Variants in CIITA observed in about 807,000 individuals in gnomAD.
CIITA encodes class II major histocompatibility complex transactivator.
In CIITA, 72 loss-of-function variants were observed where a neutral mutation model predicts 115.1. The ratio of observed to expected loss-of-function variants is 0.63; its 90% CI spans 0.52 to 0.76. The LOEUF is 0.76. Ranked by LOEUF, CIITA falls within the 30% of genes least tolerant of loss-of-function variation. The pLI is 0.00. For synonymous variants in CIITA, 763 were observed against 635.6 expected (o/e 1.20, Z -3.02); for missense variants, 1,617 against 1,463.8 (o/e 1.10, Z -1.71).
At chr16:10,874,843 C>A (rs1311612826), upstream of CIITA, among the ~76,000 whole-genome samples, 1 of 152,158 alleles carries the variant, frequency 6.6e-6, no homozygotes, top group Non-Finnish European at 1.5e-5. Flanking sequence ...GGGGGGACAT[C>A]AGAACCAGCT....
intron 2 of CIITA, 104 bp from the exon 3 acceptor site, chr16:10,895,565 T>A: frequency 6.4e-7 from 1 of 1,561,510 alleles, no homozygotes; most frequent in African/African-American, 1.4e-5. Flanking sequence ...GGACGCTCTC[T>A]GCAGATGGGG....
At position 10,907,449 on chromosome 16, in the gene CIITA, C is replaced by A. The variant is rs199476071; in HGVS notation, c.1957C>A (p.Pro653Thr). 3.1e-6 allele frequency: 5 copies of A among 1,613,052 alleles called. No individual in the cohort carries two copies. In the South Asian group the frequency reaches 3.3e-5, roughly 11 times the overall value. ...GLLGRAALDS[P>T]PGALAELAKL... ...GCTGGGCCGTGCAGCCCTCGACAGC[C>A]CCCCCGGGGCCCTGGCAGAGCTGGC... Residue 653 changes from proline (P) to threonine (T), a missense_variant, in exon 11 of 20, where the codon CCC (proline) becomes ACC (threonine). Pro to Thr is a conservative substitution (Grantham distance 38). Coordinates refer to ENST00000324288, the MANE Select transcript of CIITA (RefSeq NM_000246.4). This position sits in a 1 kb window ranked among gnomAD's most constrained non-coding sequence, Gnocchi z 5.0.
In CIITA at chr16:10,907,888, G is replaced by A. The variant is rs267604408; in HGVS notation, c.2396G>A (p.Gly799Glu). 1.3e-6 allele frequency: 2 copies of A among 1,597,432 alleles called. No homozygotes were observed. Among genetic ancestry groups the A allele is most frequent in the African/African-American group, 2.7e-5 (2 of 74,380 alleles). ...AGGTACCTGAAGCGGCTGCAGCCGG[G>A]GACACTGCGGGCGCGGCAGCTGCTG... ...LARYLKRLQPGTLRARQLLEL... is the reference protein window; with the variant it reads ...LARYLKRLQPETLRARQLLEL... The change falls in exon 11 of 20, where the codon GGG (glycine) becomes GAG (glutamate). Residue 799 changes from glycine to glutamate, a missense_variant. Transcript: ENST00000324288. The surrounding 1 kb of genome is among the most constrained non-coding windows in gnomAD (Gnocchi z 5.0).
In CIITA at chr16:10,933,811, G is replaced by C. The variant is rs74007587; in HGVS notation, c.*9956G>C. 0.063 allele frequency: 9,583 copies of C among 152,306 alleles called. 518 individuals carry two copies. The highest frequency in any genetic ancestry group is 0.15 in the African/African-American group (6,028 of 41,530). The allele number at this position is 152,306 out of a possible 1,614,324, so 9.4% of individuals were successfully genotyped here. A position where few individuals can be genotyped will look rare whatever the true frequency, so the allele number is the denominator to read the frequency against. On this transcript the variant is annotated 3_prime_UTR_variant, in exon 20 of 20. Transcript: ENST00000324288. ...CATGTACCAAAAAATCAATTAAAGTGGCTAAAGACAGACGTCACCCTCCCC... is the reference window on the plus strand; with the variant it reads ...CATGTACCAAAAAATCAATTAAAGTCGCTAAAGACAGACGTCACCCTCCCC...
chr16:10,919,736 C>T (rs963409794), intron 16 of CIITA, among the ~76,000 whole-genome samples: 2 of 152,096 alleles, frequency 1.3e-5, no homozygotes, highest in Non-Finnish European at 2.9e-5. Context: ...TCTTGCTATG[C>T]AAAGAAACTC....
Position 10,942,249 on chromosome 16 carries a change from C to G in CIITA, n.1375C>G, listed in dbSNP as rs1287857697. The G allele has an allele frequency of 2.7e-6, 1 of 367,876 alleles. No individual in the cohort carries two copies. The highest frequency in any genetic ancestry group is 4.9e-6 in the Non-Finnish European group (1 of 204,852). The allele number at this position is 367,876 out of a possible 1,614,324, so 22.8% of individuals were successfully genotyped here. The stretch of plus-strand genomic sequence containing the variant: ...ACCGCCCGGGCGGCGAGGCGGGCCC[C>G]CCTGAAGTGGCCCGCGGCTGCCCGG... On this transcript the variant is annotated non_coding_transcript_exon_variant, in exon 2 of 2. Coordinates refer to the CIITA transcript ENST00000573379. The surrounding 1 kb of genome is among the most constrained non-coding windows in gnomAD (Gnocchi z 5.0).
At chr16:10,877,514 G>A in intron 1 of CIITA, 132 bp downstream of exon 1, 1 of 956,188 alleles carries the variant, frequency 1.0e-6, no homozygotes, top group East Asian at 2.6e-5. Context: ...GTCCTGCTGG[G>A]GCAGGCCATT....
intron 1 of CIITA, among the ~76,000 whole-genome samples, chr16:10,882,054 T>G (rs887118361): frequency 6.6e-6 from 1 of 152,244 alleles, no homozygotes; most frequent in Non-Finnish European, 1.5e-5. Flanking sequence ...ATTTTGTTCA[T>G]CCATTCATTT....
At chr16:10,873,754 T>C (rs1038720604), upstream of CIITA, among the ~76,000 whole-genome samples, 1 of 152,168 alleles carries the variant, frequency 6.6e-6, no homozygotes, top group Non-Finnish European at 1.5e-5. Context: ...GCAACCTTAA[T>C]GATGGTTCTG....
At chr16:10,911,972 A>C (rs2039615108) in intron 13 of CIITA, among the ~76,000 whole-genome samples, 1 of 152,212 alleles carries the variant, frequency 6.6e-6, no homozygotes, top group Admixed American at 6.5e-5. Flanking sequence ...AAGAGACTTT[A>C]AATTGTTTAT....
rs2039212293 is a variant in CIITA at position 10,907,014 on chromosome 16, G to A, written c.1522G>A (p.Asp508Asn). ...CGGCTTCGAGGAGCTGGAAGCGCAA[G>A]ATGGCTTCCTGCACAGCACGTGCGG... ...LDGFEELEAQDGFLHSTCGPA... is the reference protein window; with the variant it reads ...LDGFEELEAQNGFLHSTCGPA... Residue 508 changes from aspartate (D) to asparagine (N), a missense_variant, in exon 11 of 20, where the codon GAT becomes AAT. Physicochemically the swap from Asp to Asn is conservative, Grantham distance 23 (BLOSUM62 1). Coordinates refer to ENST00000324288, the MANE Select transcript of CIITA (RefSeq NM_000246.4). This position sits in a 1 kb window ranked among gnomAD's most constrained non-coding sequence, Gnocchi z 5.0. 1 of 1,609,398 alleles carries A rather than the reference G, an allele frequency of 6.2e-7. No individual in the cohort carries two copies. Among genetic ancestry groups the A allele is most frequent in the East Asian group, 2.2e-5 (1 of 44,832 alleles).
chr16:10,916,972 A>G (rs1241507848), intron 15 of CIITA: 1 of 256,472 alleles, frequency 3.9e-6, no homozygotes, highest in Non-Finnish European at 7.6e-6. Context: ...AGGAGACACA[A>G]TGAACAAGTA....
In CIITA at chr16:10,916,391, G is replaced by T; in HGVS notation, c.2994G>T (p.Lys998Asn). The change falls in exon 15 of 20, where the codon AAG becomes AAT. Residue 998 changes from lysine (K) to asparagine (N), a missense_variant. Physicochemically the swap from Lys to Asn is moderately conservative, Grantham distance 94. Transcript: ENST00000324288. ...HLDLDALSENKIGDEGVSQLS... is the reference protein window; with the variant it reads ...HLDLDALSENNIGDEGVSQLS... ...GCCTGGATGCGCTGAGTGAGAACAA[G>T]ATCGGGGACGAGGGTGTCTCGCAGC... The T allele has an allele frequency of 6.2e-7, 1 of 1,613,938 alleles. No homozygotes were observed. The highest frequency in any genetic ancestry group is 8.5e-7 in the Non-Finnish European group (1 of 1,179,920).
chr16:10,915,101 A>G, intron 13 of CIITA: 1 of 452,356 alleles, frequency 2.2e-6, no homozygotes, highest in East Asian at 7.0e-5. Flanking sequence ...CCCAGGCTGG[A>G]GTGCAGTGGT....
Position 10,895,378 on chromosome 16 carries a change from T to C in CIITA, c.149T>C (p.Phe50Ser). ...GCTGACCCCCTGTGCCTCTACCACT[T>C]CTATGACCAGATGGACCTGGCTGGA... ...SDADPLCLYH[F>S]YDQMDLAGEE... Residue 50 changes from phenylalanine (F) to serine (S), a missense_variant, in exon 2 of 20, where the codon TTC becomes TCC. By Grantham distance (155) the Phe-to-Ser change is radical. Coordinates refer to ENST00000324288, the MANE Select transcript of CIITA (RefSeq NM_000246.4). The C allele has an allele frequency of 6.2e-7, 1 of 1,614,082 alleles. No individual in the cohort carries two copies. Among genetic ancestry groups the C allele is most frequent in the Non-Finnish European group, 8.5e-7 (1 of 1,180,026 alleles).
At chr16:10,893,753 G>A (rs2037827178) in intron 1 of CIITA, among the ~76,000 whole-genome samples, 2 of 129,088 alleles carry the variant, frequency 1.5e-5, no homozygotes, top group Admixed American at 2.0e-4. Context: ...ACGTTGCAGT[G>A]AGCCAAGATT....
intron 3 of CIITA, among the ~76,000 whole-genome samples, chr16:10,897,242 G>T (rs542432155): frequency 6.6e-6 from 1 of 152,330 alleles, no homozygotes; most frequent in African/African-American, 2.4e-5. Context: ...CTTCTTACTG[G>T]TGAGGACTCT....
At chr16:10,874,135 C>T (rs564731178), upstream of CIITA, among the ~76,000 whole-genome samples, 1 of 152,082 alleles carries the variant, frequency 6.6e-6, no homozygotes, top group Non-Finnish European at 1.5e-5. Context: ...AGGCGTGCAC[C>T]ACCACACCTG....
At chr16:10,914,834 G>T (rs1394615564) in intron 13 of CIITA, among the ~76,000 whole-genome samples, 2 of 152,154 alleles carry the variant, frequency 1.3e-5, no homozygotes, top group Non-Finnish European at 2.9e-5. Flanking sequence ...TCAACAAATG[G>T]TTCCTTTTGT....
Sources: gnomAD v4.1 joint callset for allele counts (sites outside exome capture counted in the v4.1 genomes callset) on GRCh38, gnomAD v4.1.1 for gene constraint, Gnocchi (gnomAD v3.1) non-coding constraint, MANE v1.5 for transcripts, NCBI Gene and HGNC (gene_info 2026-07-23, HGNC 2026-07-21) for gene names.